Variants in UVSSA observed in about 807,000 individuals in gnomAD.
The protein encoded by UVSSA is UV-stimulated scaffold protein A.
UVSSA carries 72 observed loss-of-function variants against 73.9 expected under a neutral mutation model. The ratio of observed to expected loss-of-function variants is 0.97; its 90% confidence interval spans 0.81 to 1.19. The LOEUF (loss-of-function observed/expected upper bound fraction) is 1.19. Among genes scored for constraint, UVSSA ranks in the 50% most tolerant of loss-of-function variants. The pLI, the probability that UVSSA is intolerant of heterozygous loss-of-function variation, is 0.00. For synonymous variants in UVSSA, 454 were observed against 391.3 expected, an observed-to-expected ratio of 1.16 and a Z score of -1.89; for missense variants, 1,150 against 965.0, an observed-to-expected ratio of 1.19 and a Z score of -2.54.
upstream of UVSSA, among the ~76,000 whole-genome samples, chr4:1,346,385 C>T (rs1713685117): frequency 6.6e-6 from 1 of 152,212 alleles, no homozygotes; most frequent in Non-Finnish European, 1.5e-5. Context: ...GGGGTCCACA[C>T]CACGCTCCTC....
At chr4:1,343,613 CCT>C (rs751413065), upstream of UVSSA, among the ~76,000 whole-genome samples, 11 of 152,218 alleles carry the variant, frequency 7.2e-5, no homozygotes, top group East Asian at 1.9e-3. Flanking sequence ...ATGGTGAAAC[CCT>C]GTCTCCACTA....
chr4:1,360,113 G>C (rs1716403846), intron 7 of UVSSA, among the ~76,000 whole-genome samples: 1 of 152,242 alleles, frequency 6.6e-6, no homozygotes, highest in Non-Finnish European at 1.5e-5. Context: ...CCTGGGTGAT[G>C]GGGCCCCTCC....
At position 1,380,148 on chromosome 4, in the gene UVSSA, C is replaced by T. The variant is rs779491107; in HGVS notation, c.1670C>T (p.Ala557Val). ...EMLRSRHITF[A>V]GKFEPVQHWC... ...CTCCGGAGCCGCCACATCACTTTTGCCGGGAAGTTTGAGCCTGTGCAGCAC... is the reference window on the plus strand; with the variant it reads ...CTCCGGAGCCGCCACATCACTTTTGTCGGGAAGTTTGAGCCTGTGCAGCAC... Residue 557 changes from alanine (A) to valine (V), a missense_variant, in exon 11 of 14, where the codon GCC (alanine) becomes GTC (valine). Transcript: ENST00000389851. 87 of 1,613,130 alleles carry T rather than the reference C, an allele frequency of 5.4e-5. No homozygotes were observed. Among genetic ancestry groups the T allele is most frequent in the Non-Finnish European group, 8.5e-7 (1 of 1,180,014 alleles).
At chr4:1,363,219 G>C (rs4974610) in intron 7 of UVSSA, among the ~76,000 whole-genome samples, 44,453 of 151,854 alleles carry the variant, frequency 0.29, 7,857 homozygotes, top group Non-Finnish European at 0.4. Context: ...TGAAGGGAGA[G>C]CCACCCACGG....
Position 1,375,351 on chromosome 4 carries a change from G to A in UVSSA, c.1289-13G>A, listed in dbSNP as rs758802576. ...GGGAGTGGTGGCAGGGAGTGGACAC[G>A]TGTCTGTTTCAGGGCTGGAGGCAGC... On this transcript the variant is annotated splice_polypyrimidine_tract_variant and intron_variant, in intron 8 of 13. Transcript: ENST00000389851. 13 of 1,612,526 alleles carry A rather than the reference G, an allele frequency of 8.1e-6. No individual in the cohort carries two copies. Among genetic ancestry groups the A allele is most frequent in the South Asian group, 4.4e-5 (4 of 91,006 alleles).
exon 14 of UVSSA, chr4:1,394,725 G>T (rs1221504578): frequency 1.2e-6 from 2 of 1,601,862 alleles, no homozygotes; most frequent in Non-Finnish European, 1.7e-6. Context: ...ACGTGTCCAT[G>T]TGGAGTGCCC....
chr4:1,393,041 C>G (rs183829460), downstream of UVSSA: 4 of 152,320 alleles, frequency 2.6e-5, no homozygotes, highest in East Asian at 7.7e-4. Context: ...TCCATGTTCT[C>G]TTCCCCCACT....
rs73793387 is a variant in UVSSA at position 1,372,194 on chromosome 4, C to G, written c.1289-3170C>G. On this transcript the variant is annotated intron_variant, in intron 8 of 13. Coordinates refer to ENST00000389851, the MANE Select transcript of UVSSA (RefSeq NM_020894.4). Reference sequence around the variant, plus strand: ...CCTTTATTTTCAACTTTTCACTAACCGTTGTATCAAGTGGGTCTTCTTTAG... The same window carrying G: ...CCTTTATTTTCAACTTTTCACTAACGGTTGTATCAAGTGGGTCTTCTTTAG... Among the ~76,000 whole-genome samples, 346 of 152,272 alleles carry G rather than the reference C, an allele frequency of 2.3e-3. 4 individuals are homozygous for G. The highest frequency in any genetic ancestry group is 8.0e-3 in the African/African-American group (331 of 41,538).
chr4:1,387,698 T>C lies in UVSSA; in HGVS notation c.*1737T>C, dbSNP rs2032233861. 6.6e-6 allele frequency: 1 copy of C among 152,252 alleles called. No homozygotes were observed. Among genetic ancestry groups the C allele is most frequent in the Admixed American group, 6.5e-5 (1 of 15,280 alleles). The allele number at this position is 152,252 out of a possible 1,614,324, so 9.4% of individuals were successfully genotyped here. A position where few individuals can be genotyped will look rare whatever the true frequency, so the allele number is the denominator to read the frequency against. On this transcript the variant is annotated 3_prime_UTR_variant, in exon 14 of 14. Transcript: ENST00000389851. Reference sequence around the variant, plus strand: ...TCCCAGCACCATTTGTTGAAAACATTATTTTTCCCCATTGAATTATCTTCG... The same window carrying C: ...TCCCAGCACCATTTGTTGAAAACATCATTTTTCCCCATTGAATTATCTTCG...
At chr4:1,394,925 T>C in exon 14 of UVSSA, 1 of 1,508,168 alleles carries the variant, frequency 6.6e-7, no homozygotes, top group Non-Finnish European at 9.0e-7. Context: ...GCCCGCCTGC[T>C]CACACGTGCC....
rs566725679 is a variant in UVSSA, at chr4:1,348,889, C to T, written c.99-635C>T. ...ATTCAGGAGGGGCTGGGAGATGTCC[C>T]GAGCTCTAGGCCTTCCTTCCTTCCT... On this transcript the variant is annotated intron_variant, in intron 2 of 13. Coordinates refer to ENST00000389851, the MANE Select transcript of UVSSA (RefSeq NM_020894.4). Among the ~76,000 whole-genome samples, 6 of 152,292 alleles carry T rather than the reference C, an allele frequency of 3.9e-5. No individual in the cohort carries two copies. The South Asian group carries it at 1.2e-3, about 32-fold the overall frequency.
At position 1,380,213 on chromosome 4, in the gene UVSSA, C is replaced by T. The variant is rs370230075; in HGVS notation, c.1735C>T (p.Arg579Cys). ...GAGGCCAGACGGCCGGCTCTGTGAG[C>T]GCCAAGACCGGCTGAAGGTGAGGCC... ...APRPDGRLCE[R>C]QDRLKCPFHG... The change falls in exon 11 of 14, where the codon CGC (arginine) becomes TGC (cysteine). Residue 579 changes from arginine (R) to cysteine (C), a missense_variant. By Grantham distance (180) the Arg-to-Cys change is radical (BLOSUM62 -3). Coordinates refer to ENST00000389851, the MANE Select transcript of UVSSA (RefSeq NM_020894.4). 20 of 1,611,600 alleles carry T rather than the reference C, an allele frequency of 1.2e-5. No homozygotes were observed. The highest frequency in any genetic ancestry group is 1.2e-4 in the South Asian group (11 of 91,028).
chr4:1,354,884 G>A lies in UVSSA; in HGVS notation c.1047+37G>A, dbSNP rs756851505. On this transcript the variant is annotated intron_variant, in intron 6 of 13. Transcript: ENST00000389851. ...ACCTGGGACCTGTGGGTGGAGGGAC[G>A]TGTGCAGAGTGCCATGCATGGGGGG... The A allele has an allele frequency of 4.3e-5, 64 of 1,504,516 alleles. No individual in the cohort carries two copies. In the Middle Eastern group the frequency reaches 6.8e-4, roughly 16 times the overall value. The allele number at this position is 1,504,516 out of a possible 1,614,324, so 93.2% of individuals were successfully genotyped here. A position where few individuals can be genotyped will look rare whatever the true frequency, so the allele number is the denominator to read the frequency against.
upstream of UVSSA, among the ~76,000 whole-genome samples, chr4:1,346,055 T>A (rs1577261422): frequency 6.6e-6 from 1 of 152,132 alleles, no homozygotes; most frequent in Non-Finnish European, 1.5e-5. Context: ...GGCTCGGGGC[T>A]GGCTGCAAGC....
At chr4:1,355,538 TC>T (rs1349836385) in intron 7 of UVSSA, among the ~76,000 whole-genome samples, 2 of 151,948 alleles carry the variant, frequency 1.3e-5, no homozygotes, top group African/African-American at 4.8e-5. Flanking sequence ...AGTCAGGCTG[TC>T]CCCCCCGTGA....
chr4:1,348,152 A>T lies in UVSSA; in HGVS notation c.61A>T (p.Asn21Tyr), dbSNP rs1333007490. 6.2e-7 allele frequency: 1 copy of T among 1,613,870 alleles called. No individual in the cohort carries two copies. The highest frequency in any genetic ancestry group is 8.5e-7 in the Non-Finnish European group (1 of 1,180,014). ...CACAACTTCAGGAGAACCCCGACTA[A>T]ATCCTGAGAAAATGAAGGAACTGAA... ...ELTTSGEPRL[N>Y]PEKMKELKKI... Residue 21 changes from asparagine to tyrosine, a missense_variant, in exon 2 of 14, where the codon AAT becomes TAT. Coordinates refer to ENST00000389851, the MANE Select transcript of UVSSA (RefSeq NM_020894.4).
intron 7 of UVSSA, among the ~76,000 whole-genome samples, chr4:1,363,549 A>G (rs1331651678): frequency 6.6e-6 from 1 of 152,230 alleles, no homozygotes; most frequent in Non-Finnish European, 1.5e-5. Context: ...ACCTTTTAGA[A>G]AATTAAAACA....
chr4:1,355,427 C>T (rs1447228222), intron 7 of UVSSA, among the ~76,000 whole-genome samples, 182 bp downstream of exon 7: 1 of 152,224 alleles, frequency 6.6e-6, no homozygotes, highest in Non-Finnish European at 1.5e-5. Context: ...GGGTCATCAC[C>T]ATGGCAGAGG....
Position 1,395,451 on chromosome 4 carries a change from C to T in UVSSA, c.*9490C>T, listed in dbSNP as rs141376932. 3.0e-4 allele frequency: 482 copies of T among 1,596,114 alleles called. 5 individuals carry two copies. Among genetic ancestry groups the T allele is most frequent in the East Asian group, 6.6e-4 (29 of 43,992 alleles). ...CCGACGTGGAGTGCCCGCCTGCTCA[C>T]GTGCCCATATGGAGTGCCCGCCTGC... On this transcript the variant is annotated 3_prime_UTR_variant, in exon 14 of 14. Coordinates refer to the UVSSA transcript ENST00000511216.
Sources: gnomAD v4.1 joint callset for allele counts (sites outside exome capture counted in the v4.1 genomes callset) on GRCh38, gnomAD v4.1.1 for gene constraint, MANE v1.5 for transcripts, NCBI Gene and HGNC (gene_info 2026-07-23, HGNC 2026-07-21) for gene names.